Variants in ANKS1B observed in about 807,000 individuals in gnomAD.
The protein encoded by ANKS1B is ankyrin repeat and sterile alpha motif domain containing 1B, also known as ankyrin repeat and sterile alpha motif domain-containing protein 1B.
In ANKS1B, 36 loss-of-function variants were observed where a neutral mutation model predicts 148.3. That is an observed-to-expected ratio of 0.24 (90% confidence interval 0.19 to 0.32). The LOEUF (loss-of-function observed/expected upper bound fraction) is 0.32, where lower values mean the gene tolerates loss of function less well. ANKS1B is among the 10% of genes least tolerant of loss of function. The pLI is 1.00. For missense variants in ANKS1B, 1,157 were observed against 1,542.6 expected, an observed-to-expected ratio of 0.75 and a Z score of 4.19; for synonymous variants, 542 against 560.8, an observed-to-expected ratio of 0.97 and a Z score of 0.47.
At chr12:99,562,202 T>TGC in intron 9 of ANKS1B, among the ~76,000 whole-genome samples, 1 of 152,238 alleles carries the variant, frequency 6.6e-6, no homozygotes, top group Non-Finnish European at 1.5e-5. Flanking sequence ...TAAACTGATG[T>TGC]GCTTTCATCC....
intron 11 of ANKS1B, among the ~76,000 whole-genome samples, chr12:99,427,169 T>A (rs999441974): frequency 7.2e-5 from 11 of 152,166 alleles, no homozygotes; most frequent in African/African-American, 2.7e-4. Context: ...CTAGCCAGAG[T>A]GATCTTTTAA....
intron 11 of ANKS1B, 104 bp downstream of exon 11, chr12:99,443,569 C>T: frequency 8.5e-7 from 1 of 1,181,726 alleles, no homozygotes; most frequent in East Asian, 2.7e-5. Context: ...AATCCATTGA[C>T]ATACCACATA....
At chr12:99,948,946 T>G (rs2095143217) in intron 1 of ANKS1B, among the ~76,000 whole-genome samples, 1 of 152,182 alleles carries the variant, frequency 6.6e-6, no homozygotes, top group South Asian at 2.1e-4. Context: ...GCCCAGCTGC[T>G]AAGTGTTGGG....
intron 4 of ANKS1B, among the ~76,000 whole-genome samples, chr12:99,796,048 G>A (rs2066212681): frequency 1.3e-5 from 2 of 151,930 alleles, no homozygotes; most frequent in South Asian, 4.1e-4. Context: ...GCTTCTCTTT[G>A]GAATATGCAA....
At chr12:98,765,620 G>A (rs1248135175) in intron 25 of ANKS1B, among the ~76,000 whole-genome samples, 2 of 152,066 alleles carry the variant, frequency 1.3e-5, no homozygotes, top group Admixed American at 6.5e-5. Flanking sequence ...GCAGTGGTGC[G>A]ATCTCTGCTC....
At chr12:99,780,760 A>C (rs2153632545) in intron 5 of ANKS1B, among the ~76,000 whole-genome samples, 1 of 152,328 alleles carries the variant, frequency 6.6e-6, no homozygotes, top group Middle Eastern at 3.4e-3. Context: ...AAGTAACATA[A>C]GAACAGTCTT....
chr12:99,774,767 C>G (rs1399254511), intron 7 of ANKS1B, among the ~76,000 whole-genome samples: 1 of 151,962 alleles, frequency 6.6e-6, no homozygotes, highest in East Asian at 1.9e-4. Context: ...AAATAAAATG[C>G]AATGTGTGTA....
intron 17 of ANKS1B, among the ~76,000 whole-genome samples, chr12:98,845,104 G>A (rs986498113): frequency 3.3e-5 from 5 of 152,128 alleles, no homozygotes; most frequent in Non-Finnish European, 7.4e-5. Flanking sequence ...GAATGCAAAA[G>A]TATGGGTCTA....
At chr12:99,910,086 T>A (rs962326976) in intron 1 of ANKS1B, among the ~76,000 whole-genome samples, 6 of 151,950 alleles carry the variant, frequency 3.9e-5, no homozygotes, top group African/African-American at 1.2e-4. Flanking sequence ...TAAAAAGGAA[T>A]AAAGGGCCAG....
At chr12:98,972,751 A>G (rs528368083) in intron 17 of ANKS1B, among the ~76,000 whole-genome samples, 84 of 152,334 alleles carry the variant, frequency 5.5e-4, no homozygotes, top group African/African-American at 1.9e-3. Context: ...TCAGTTCTAT[A>G]TAATAGGAAG....
chr12:98,780,992 A>T, intron 24 of ANKS1B, 125 bp downstream of exon 24: 1 of 622,774 alleles, frequency 1.6e-6, no homozygotes, highest in South Asian at 2.0e-5. Flanking sequence ...TGTAGGAAGC[A>T]TGAAGGTTGG....
chr12:98,881,596 C>T (rs1420073197), intron 17 of ANKS1B, among the ~76,000 whole-genome samples: 1 of 152,066 alleles, frequency 6.6e-6, no homozygotes, highest in Non-Finnish European at 1.5e-5. Context: ...TTTTCTTATG[C>T]TATTGTCCTA....
chr12:98,758,812 A>C (rs1592882591), intron 25 of ANKS1B, among the ~76,000 whole-genome samples: 4 of 114,502 alleles, frequency 3.5e-5, no homozygotes, highest in Admixed American at 1.2e-4. Flanking sequence ...ATAGGGTCTC[A>C]CTCTCTTACC....
At chr12:99,228,478 A>G (rs1045467348) in intron 14 of ANKS1B, among the ~76,000 whole-genome samples, 8 of 152,122 alleles carry the variant, frequency 5.3e-5, no homozygotes, top group African/African-American at 1.7e-4. Flanking sequence ...AATTGGAGAA[A>G]TGAGTGGAAG....
At chr12:99,684,726 T>C (rs1438051510) in intron 8 of ANKS1B, among the ~76,000 whole-genome samples, 1 of 152,016 alleles carries the variant, frequency 6.6e-6, no homozygotes, top group Non-Finnish European at 1.5e-5. Context: ...GTATTAAAAA[T>C]AGGCACACAG....
intron 12 of ANKS1B, among the ~76,000 whole-genome samples, chr12:99,376,086 G>A (rs773110314): frequency 1.8e-4 from 28 of 152,104 alleles, no homozygotes; most frequent in Non-Finnish European, 2.8e-4. Flanking sequence ...CAAACCATTC[G>A]CTGTTCAAAA....
intron 9 of ANKS1B, among the ~76,000 whole-genome samples, chr12:99,589,455 T>C (rs957447463): frequency 2.0e-5 from 3 of 152,070 alleles, no homozygotes; most frequent in Non-Finnish European, 4.4e-5. Context: ...CTTAATCGTC[T>C]CTACTTCTCA....
chr12:98,929,666 G>T (rs2099812050), intron 17 of ANKS1B, among the ~76,000 whole-genome samples: 1 of 152,028 alleles, frequency 6.6e-6, no homozygotes, highest in Non-Finnish European at 1.5e-5. Flanking sequence ...CTGATTTTCA[G>T]TAAGAGTGCC....
At chr12:99,736,847 T>TA (rs1421164996) in intron 8 of ANKS1B, among the ~76,000 whole-genome samples, 3 of 151,576 alleles carry the variant, frequency 2.0e-5, no homozygotes, top group East Asian at 1.9e-4. Flanking sequence ...GATTCAACAA[T>TA]AAAAAATCTA....
Sources: allele counts gnomAD v4.1 joint callset (sites outside exome capture counted in the v4.1 genomes callset), GRCh38; gene constraint gnomAD v4.1.1; transcripts MANE v1.5; gene names NCBI Gene and HGNC (gene_info 2026-07-23, HGNC 2026-07-21).